The following ADGRE1 variants were observed in gnomAD, a reference collection of about 807,000 sequenced individuals.
The protein encoded by ADGRE1 is EGF-like module receptor 1.
Under a neutral mutation model 102.7 loss-of-function variants are expected in ADGRE1, and 82 were observed. The observed-to-expected ratio is 0.80, with a 90% CI of 0.67 to 0.96. The LOEUF (loss-of-function observed/expected upper bound fraction) is 0.96, where lower values mean the gene tolerates loss of function less well. Ranked by LOEUF, ADGRE1 falls within the 40% of genes least tolerant of loss-of-function variation. The pLI is 0.00. For missense variants in ADGRE1, 1,032 were observed against 1,085.3 expected (o/e 0.95, Z 0.69); for synonymous variants, 398 against 399.6 (o/e 1.00, Z 0.05).
chr19:6,937,471 C>A (rs1975468651), intron 19 of ADGRE1, 60 bp downstream of exon 19: 5 of 1,592,468 alleles, frequency 3.1e-6, no homozygotes, highest in Non-Finnish European at 4.3e-6. Flanking sequence ...CCCTTCCCCA[C>A]CGCATCCCTC....
At chr19:6,936,839 G>C (rs1263438738) in intron 18 of ADGRE1, among the ~76,000 whole-genome samples, 1 of 151,760 alleles carries the variant, frequency 6.6e-6, no homozygotes, top group Admixed American at 6.6e-5. Flanking sequence ...ACCAGGCTGG[G>C]CTCGAACTCC....
chr19:6,920,228 C>CTTTTCTT (rs71903311), intron 13 of ADGRE1, among the ~76,000 whole-genome samples: 24 of 148,998 alleles, frequency 1.6e-4, no homozygotes, highest in African/African-American at 3.0e-4. Flanking sequence ...GTGGTGGTTG[C>CTTTTCTT]TTCTTTTTTT....
intron 5 of ADGRE1, among the ~76,000 whole-genome samples, chr19:6,900,827 A>G (rs758773928): frequency 2.0e-5 from 3 of 152,260 alleles, no homozygotes; most frequent in Admixed American, 6.5e-5. Context: ...GCAGTGAGCT[A>G]TCACTGGGTA....
chr19:6,933,221 CAAT>C lies in ADGRE1; in HGVS notation c.2290-1758_2290-1756del, dbSNP rs377009218. On this transcript the variant is annotated intron_variant, in intron 17 of 20. Transcript: ENST00000312053. The stretch of plus-strand genomic sequence containing the variant: ...GGGAGACAAGAGCGAGACTCCGTCT[CAAT>C]AATAATAGTAATGCAATGTTTATCT... Among the ~76,000 whole-genome samples, 140 of 152,206 alleles carry C rather than the reference CAAT, an allele frequency of 9.2e-4. 1 individual carries two copies. In the South Asian group the frequency reaches 0.02, roughly 21 times the overall value.
intron 10 of ADGRE1, among the ~76,000 whole-genome samples, chr19:6,911,385 G>GTTTTTTGTTTTTTT (rs1974170130): frequency 2.5e-5 from 2 of 79,842 alleles, no homozygotes; most frequent in African/African-American, 4.5e-5. Context: ...ATTCCTTTTA[G>GTTTTTTGTTTTTTT]TTTTTTTTTT....
intron 14 of ADGRE1, among the ~76,000 whole-genome samples, chr19:6,923,234 A>G (rs1330123251): frequency 6.6e-6 from 1 of 152,148 alleles, no homozygotes; most frequent in Non-Finnish European, 1.5e-5. Context: ...TCTTGTCTCT[A>G]CCACTTTCTA....
At chr19:6,929,067 T>A (rs1975036481) in intron 17 of ADGRE1, among the ~76,000 whole-genome samples, 1 of 152,182 alleles carries the variant, frequency 6.6e-6, no homozygotes, top group Non-Finnish European at 1.5e-5. Context: ...GGAGGGACCA[T>A]AATTGTATCC....
chr19:6,920,755 C>T (rs1314379107), intron 13 of ADGRE1, among the ~76,000 whole-genome samples: 1 of 152,036 alleles, frequency 6.6e-6, no homozygotes, highest in Non-Finnish European at 1.5e-5. Flanking sequence ...GGTGATCCAC[C>T]CGCCTCAGCC....
intron 12 of ADGRE1, among the ~76,000 whole-genome samples, chr19:6,918,652 G>C (rs893064471): frequency 3.3e-5 from 5 of 152,164 alleles, no homozygotes; most frequent in Admixed American, 2.0e-4. Context: ...ATTTCCCACT[G>C]AGTTGCATTG....
chr19:6,936,470 T>C lies in ADGRE1; in HGVS notation c.2382-773T>C, dbSNP rs115008286. On this transcript the variant is annotated intron_variant, in intron 18 of 20. Coordinates refer to ENST00000312053, the MANE Select transcript of ADGRE1 (RefSeq NM_001974.5). The stretch of plus-strand genomic sequence containing the variant: ...AAAAAGACAAAAAGGTAAAACAAAG[T>C]TGATACATACACATACTCATAGCAG... 4.8e-3 allele frequency among the ~76,000 whole-genome samples: 721 copies of C among 149,760 alleles called. 8 individuals carry two copies. The highest frequency in any genetic ancestry group is 0.015 in the African/African-American group (631 of 40,942).
chr19:6,938,247 G>A (rs1264548121), intron 20 of ADGRE1, among the ~76,000 whole-genome samples: 1 of 152,032 alleles, frequency 6.6e-6, no homozygotes, highest in African/African-American at 2.4e-5. Flanking sequence ...TGAGGCAGGA[G>A]AATTGCTTGA....
At chr19:6,920,109 C>A (rs1974582330) in intron 13 of ADGRE1, among the ~76,000 whole-genome samples, 1 of 152,102 alleles carries the variant, frequency 6.6e-6, no homozygotes, top group African/African-American at 2.4e-5. Context: ...TAATGAACTG[C>A]AATCTGATTG....
Position 6,937,584 on chromosome 19 carries a change from A to G in ADGRE1, c.2591A>G (p.Lys864Arg). Residue 864 changes from lysine (K) to arginine (R), a missense_variant, in exon 20 of 21, where the codon AAG becomes AGG. Physicochemically the swap from Lys to Arg is conservative, Grantham distance 26. Coordinates refer to ENST00000312053, the MANE Select transcript of ADGRE1 (RefSeq NM_001974.5). ...EYKRWITGKT[K>R]PSSQSQTSRI... Reference sequence around the variant, plus strand: ...AAGAGGTGGATCACTGGGAAGACGAAGCCCAGCTCCCAGTCCCAGACCTCA... The same window carrying G: ...AAGAGGTGGATCACTGGGAAGACGAGGCCCAGCTCCCAGTCCCAGACCTCA... 1 of 1,614,122 alleles carries G rather than the reference A, an allele frequency of 6.2e-7. No individual in the cohort carries two copies. The highest frequency in any genetic ancestry group is 2.2e-5 in the East Asian group (1 of 44,886).
At chr19:6,919,113 A>G (rs953585803) in intron 12 of ADGRE1, among the ~76,000 whole-genome samples, 2 of 151,962 alleles carry the variant, frequency 1.3e-5, no homozygotes, top group African/African-American at 2.4e-5. Flanking sequence ...GCTCACTGCA[A>G]TCTCCGCCTC....
chr19:6,897,398 A>G (rs1220422633), intron 4 of ADGRE1, 30 bp from the exon 5 acceptor site: 1 of 1,597,192 alleles, frequency 6.3e-7, no homozygotes, highest in Admixed American at 1.7e-5. Flanking sequence ...CCAATTTCTT[A>G]TCTGCTCACC....
At position 6,901,979 on chromosome 19, in the gene ADGRE1, A is replaced by C; in HGVS notation, c.619A>C (p.Ser207Arg). Residue 207 changes from serine to arginine, a missense_variant, in exon 6 of 21, where the codon AGT (serine) becomes CGT (arginine). By Grantham distance (110) the Ser-to-Arg change is moderately radical. Transcript: ENST00000312053. ...CFCNPGFESS[S>R]GHLSFQGLKA... The stretch of plus-strand genomic sequence containing the variant: ...CTGCAACCCAGGATTTGAATCCAGC[A>C]GTGGCCACTTGAGTTTCCAGGGTCT... 4 of 1,614,210 alleles carry C rather than the reference A, an allele frequency of 2.5e-6. No individual in the cohort carries two copies. Among genetic ancestry groups the C allele is most frequent in the Non-Finnish European group, 3.4e-6 (4 of 1,180,024 alleles).
At chr19:6,907,570 C>T (rs1254777729) in intron 9 of ADGRE1, among the ~76,000 whole-genome samples, 3 of 152,040 alleles carry the variant, frequency 2.0e-5, no homozygotes, top group Non-Finnish European at 4.4e-5. Context: ...AAACTCCTGA[C>T]CTTGAGTGAT....
At chr19:6,900,869 C>T (rs1973742146) in intron 5 of ADGRE1, among the ~76,000 whole-genome samples, 1 of 152,222 alleles carries the variant, frequency 6.6e-6, no homozygotes, top group African/African-American at 2.4e-5. Context: ...TGTCTAAAAA[C>T]AACCACCATA....
At chr19:6,927,305 C>CT (rs1555717266) in intron 16 of ADGRE1, among the ~76,000 whole-genome samples, 2 of 138,868 alleles carry the variant, frequency 1.4e-5, no homozygotes, top group African/African-American at 2.7e-5. Context: ...CCCTCTCTTC[C>CT]TCCCTTCCTC....
Sources: gnomAD v4.1 joint callset for allele counts (sites outside exome capture counted in the v4.1 genomes callset) on GRCh38, gnomAD v4.1.1 for gene constraint, MANE v1.5 for transcripts, NCBI Gene and HGNC (gene_info 2026-07-23, HGNC 2026-07-21) for gene names.